PUM2: variants seen among roughly 807,000 people sequenced by gnomAD.
PUM2 encodes the protein pumilio RNA binding family member 2, also known as pumilio homolog 2.
In PUM2, 57 loss-of-function variants were observed where a neutral mutation model predicts 124.5. The ratio of observed to expected loss-of-function variants is 0.46; its 90% CI spans 0.37 to 0.57. The LOEUF is 0.57. Among genes scored for constraint, PUM2 ranks in the 20% least tolerant of loss-of-function variants. The pLI is 0.00. For synonymous variants in PUM2, 460 were observed against 446.1 expected (o/e 1.03, Z -0.39); for missense variants, 1,065 against 1,290.6 (o/e 0.83, Z 2.68).
chr2:20,312,115 T>A (rs1679741503), intron 4 of PUM2, 121 bp downstream of exon 4: 1 of 892,046 alleles, frequency 1.1e-6, no homozygotes, highest in African/African-American at 1.7e-5. Context: ...GCAATAATAG[T>A]TACAAAATTT....
At chr2:20,303,753 G>GC (rs1365998358) in intron 7 of PUM2, among the ~76,000 whole-genome samples, 1 of 152,086 alleles carries the variant, frequency 6.6e-6, no homozygotes, top group Non-Finnish European at 1.5e-5. Flanking sequence ...AATTCATTTA[G>GC]CGGTAGGTGA....
chr2:20,256,268 A>G lies in PUM2; in HGVS notation c.2485-98T>C, dbSNP rs1319753534. The G allele has an allele frequency of 6.2e-6, 7 of 1,137,974 alleles. No homozygotes were observed. In the South Asian group the frequency reaches 7.4e-5, roughly 12 times the overall value. The allele number at this position is 1,137,974 out of a possible 1,614,324, so 70.5% of individuals were successfully genotyped here. ...AAAAATTAAAAATATTAAAAATCTC[A>G]GTATATTTATCTCAGTATTAAAAAT... On this transcript the variant is annotated intron_variant, in intron 16 of 20. Transcript: ENST00000361078.
intron 1 of PUM2, among the ~76,000 whole-genome samples, chr2:20,337,151 G>A (rs994822597): frequency 1.5e-4 from 23 of 151,600 alleles, no homozygotes; most frequent in Non-Finnish European, 2.6e-4. Context: ...CACAGACTGT[G>A]GTATAGGCCT....
chr2:20,339,470 C>CA (rs1686805625), intron 1 of PUM2, among the ~76,000 whole-genome samples: 1 of 152,130 alleles, frequency 6.6e-6, no homozygotes, highest in Non-Finnish European at 1.5e-5. Context: ...TGTACGTGTA[C>CA]ACTCAATGCC....
At chr2:20,272,154 CAAATGAAT>C (rs1481846559) in intron 13 of PUM2, among the ~76,000 whole-genome samples, 1 of 110,592 alleles carries the variant, frequency 9.0e-6, no homozygotes, top group African/African-American at 3.4e-5. Context: ...AAGACTTCGT[CAAATGAAT>C]GAATGAATGA....
At chr2:20,273,310 A>C (rs893365417) in intron 13 of PUM2, among the ~76,000 whole-genome samples, 10 of 152,212 alleles carry the variant, frequency 6.6e-5, no homozygotes, top group African/African-American at 2.4e-4. Flanking sequence ...GCACATTTGC[A>C]AACTGTTCAC....
chr2:20,290,911 A>T, intron 9 of PUM2, 121 bp from the exon 10 acceptor site: 2 of 767,240 alleles, frequency 2.6e-6, no homozygotes, highest in Non-Finnish European at 3.9e-6. Flanking sequence ...TTTACATGCA[A>T]GGAAATGTAG....
Position 20,297,670 on chromosome 2 carries a change from A to C in PUM2, c.892T>G (p.Phe298Val), listed in dbSNP as rs201972862. ...GCAGCTGGAGCAAGGCCTGCTGAGA[A>C]TACACCAGCTATATTTTAAAAGGGG... ...AAQQPHIAGV[F>V]SAGLAPAAFV... is the part of the protein sequence containing the mutation. Residue 298 changes from phenylalanine to valine, a missense_variant, in exon 8 of 21, where the codon TTC becomes GTC. Physicochemically the swap from Phe to Val is conservative, Grantham distance 50. Around this residue, in one of 3 missense-constraint regions of PUM2, gnomAD observed 968 missense variants for 1,159.8 expected, o/e 0.83. Coordinates refer to ENST00000361078, the MANE Select transcript of PUM2 (RefSeq NM_015317.5). The C allele has an allele frequency of 1.9e-6, 3 of 1,609,900 alleles. No homozygotes were observed. Among genetic ancestry groups the C allele is most frequent in the Admixed American group, 1.7e-5 (1 of 59,094 alleles).
At chr2:20,277,985 CA>C (rs1249042890) in intron 13 of PUM2, among the ~76,000 whole-genome samples, 1 of 151,992 alleles carries the variant, frequency 6.6e-6, no homozygotes, top group Admixed American at 6.6e-5. Context: ...TTTTAATATA[CA>C]AATATAAACA....
At chr2:20,262,183 T>C (rs1309610387) in intron 14 of PUM2, among the ~76,000 whole-genome samples, 1 of 152,224 alleles carries the variant, frequency 6.6e-6, no homozygotes, top group Non-Finnish European at 1.5e-5. Flanking sequence ...GTACAGTGTT[T>C]ATAAAGTCTA....
At chr2:20,316,412 AATG>A (rs774203113) in intron 3 of PUM2, among the ~76,000 whole-genome samples, 8 of 152,266 alleles carry the variant, frequency 5.3e-5, no homozygotes, top group Admixed American at 3.3e-4. Flanking sequence ...CTGGAAAAAT[AATG>A]ATAACTGGCT....
At chr2:20,336,748 CTGTGTGTGTGTG>C (rs70939037) in intron 1 of PUM2, among the ~76,000 whole-genome samples, 14,725 of 97,330 alleles carry the variant, frequency 0.15, 1,249 homozygotes, top group East Asian at 0.22. Context: ...CCAGGCTGAT[CTGTGTGTGTGTG>C]TGTGTGTGTG....
intron 12 of PUM2, among the ~76,000 whole-genome samples, chr2:20,280,715 A>C (rs1671309432): frequency 6.6e-6 from 1 of 152,198 alleles, no homozygotes; most frequent in South Asian, 2.1e-4. Context: ...TATATGTCTA[A>C]ATTATCTCCA....
intron 13 of PUM2, among the ~76,000 whole-genome samples, chr2:20,266,782 G>A (rs1292252608): frequency 6.6e-6 from 1 of 152,136 alleles, no homozygotes; most frequent in Non-Finnish European, 1.5e-5. Flanking sequence ...GAAAAGAGCA[G>A]TGATGAAAGT....
At chr2:20,260,197 A>T (rs1284246107) in intron 15 of PUM2, 140 bp downstream of exon 15, 10 of 947,184 alleles carry the variant, frequency 1.1e-5, no homozygotes. Flanking sequence ...TTTACCGCAT[A>T]TATAATTTGT....
intron 7 of PUM2, among the ~76,000 whole-genome samples, chr2:20,305,323 A>G (rs1677960602): frequency 6.6e-6 from 1 of 152,048 alleles, no homozygotes; most frequent in African/African-American, 2.4e-5. Flanking sequence ...CGTCTCTACA[A>G]AAAATTCACT....
chr2:20,282,884 G>A (rs1671852753), intron 12 of PUM2, 63 bp downstream of exon 12: 1 of 1,485,382 alleles, frequency 6.7e-7, no homozygotes, highest in African/African-American at 1.4e-5. Flanking sequence ...TTATTTTAAT[G>A]TTAAACACAC....
chr2:20,312,332 T>C lies in PUM2; in HGVS notation c.252A>G (p.Arg84=), dbSNP rs1275688467. The change falls in exon 4 of 21, where the codon CGA becomes CGG. Residue 84 remains arginine, a synonymous_variant. Coordinates refer to ENST00000361078, the MANE Select transcript of PUM2 (RefSeq NM_015317.5). ...NSEVNAILSP[R]SESGGLGVSM... is the part of the protein sequence containing the mutation. ...TCACACCAAGGCCTCCACTTTCTGATCGCGGAGACAGTATTGCATTTACTT... is the reference window on the plus strand; with the variant it reads ...TCACACCAAGGCCTCCACTTTCTGACCGCGGAGACAGTATTGCATTTACTT... 2 of 1,613,364 alleles carry C rather than the reference T, an allele frequency of 1.2e-6. No homozygotes were observed.
rs377192413 is a variant in PUM2, at chr2:20,266,545, A to T, written c.1958-3085T>A. On this transcript the variant is annotated intron_variant, in intron 13 of 20. Coordinates refer to ENST00000361078, the MANE Select transcript of PUM2 (RefSeq NM_015317.5). Reference sequence around the variant, plus strand: ...ATTCTCCAGAAACTAATTCACTGAAAGGACGAACTATCACCAATTAATTTC... The same window carrying T: ...ATTCTCCAGAAACTAATTCACTGAATGGACGAACTATCACCAATTAATTTC... Among the ~76,000 whole-genome samples the T allele has an allele frequency of 3.9e-5, 6 of 152,162 alleles. No individual in the cohort carries two copies. In the East Asian group the frequency reaches 7.7e-4, roughly 20 times the overall value.
Sources: gnomAD v4.1 joint callset for allele counts (sites outside exome capture counted in the v4.1 genomes callset) on GRCh38, gnomAD v4.1.1 for gene constraint, gnomAD v4.1.1 regional missense constraint, MANE v1.5 for transcripts, NCBI Gene and HGNC (gene_info 2026-07-23, HGNC 2026-07-21) for gene names.